Variants in DNAH14 observed in about 807,000 individuals in gnomAD.
DNAH14 encodes the protein dynein axonemal heavy chain 14, also known as axonemal beta dynein heavy chain 14.
Under a neutral mutation model 520.9 loss-of-function variants are expected in DNAH14, and 478 were observed. The observed-to-expected ratio is 0.92, with a 90% confidence interval of 0.85 to 0.99. DNAH14 has a LOEUF of 0.99. Among genes scored for constraint, DNAH14 ranks in the 50% least tolerant of loss-of-function variants. The pLI is 0.00. For synonymous variants in DNAH14, 1,581 were observed against 1,757.2 expected, an observed-to-expected ratio of 0.90 and a Z score of 2.51; for missense variants, 4,831 against 5,234.5, an observed-to-expected ratio of 0.92 and a Z score of 2.38.
rs2079396077 is a variant in DNAH14 at position 225,140,912 on chromosome 1, A to G, written c.4399A>G (p.Thr1467Ala). 5 of 1,551,410 alleles carry G rather than the reference A, an allele frequency of 3.2e-6. No individual in the cohort carries two copies. The South Asian group carries it at 5.9e-5, about 18-fold the overall frequency. Residue 1467 changes from threonine to alanine, a missense_variant, in exon 28 of 86, where the codon ACA becomes GCA. Coordinates refer to ENST00000682510, the MANE Select transcript of DNAH14 (RefSeq NM_001367479.1). Reference sequence around the variant, plus strand: ...AGTGCTGGATACTAGTAACTCTCGAACAAAAGCTATACTAGGGGCATTGCT... The same window carrying G: ...AGTGCTGGATACTAGTAACTCTCGAGCAAAAGCTATACTAGGGGCATTGCT... ...LVVLDTSNSR[T>A]KAILGALLIL...
intron 1 of DNAH14, among the ~76,000 whole-genome samples, chr1:224,946,346 A>G (rs2489300): frequency 0.15 from 22,928 of 152,092 alleles, 3,194 homozygotes; most frequent in African/African-American, 0.36. Context: ...TTGGAAAAGC[A>G]CAGTATTAGG....
intron 10 of DNAH14, among the ~76,000 whole-genome samples, chr1:225,019,821 C>T (rs1183815323): frequency 1.3e-5 from 2 of 152,040 alleles, no homozygotes; most frequent in Non-Finnish European, 2.9e-5. Context: ...TAATAACAGA[C>T]ACAACATACC....
At chr1:225,141,483 G>A (rs1264758221) in intron 28 of DNAH14, among the ~76,000 whole-genome samples, 1 of 147,234 alleles carries the variant, frequency 6.8e-6, no homozygotes, top group Admixed American at 6.7e-5. Context: ...TTGGGCGGGG[G>A]CGGGGGCGGT....
intron 45 of DNAH14, 125 bp from the exon 46 acceptor site, chr1:225,258,996 G>A: frequency 1.0e-6 from 1 of 996,450 alleles, no homozygotes; most frequent in South Asian, 2.0e-5. Context: ...TTTTAAAAGG[G>A]AAGAACAAAA....
intron 10 of DNAH14, among the ~76,000 whole-genome samples, chr1:225,014,928 A>G (rs1210932100): frequency 2.0e-5 from 3 of 152,134 alleles, no homozygotes; most frequent in Non-Finnish European, 2.9e-5. Context: ...ATTAGGGTCT[A>G]TCTCTTCCTT....
At chr1:225,318,840 A>G (rs1160835765) in intron 61 of DNAH14, among the ~76,000 whole-genome samples, 163 bp downstream of exon 61, 3 of 152,094 alleles carry the variant, frequency 2.0e-5, no homozygotes, top group Admixed American at 6.5e-5. Context: ...TTAAGTGTTC[A>G]TTCTGTATGG....
At chr1:225,089,073 AGT>A (rs202186277) in intron 21 of DNAH14, among the ~76,000 whole-genome samples, 6,321 of 152,266 alleles carry the variant, frequency 0.042, 214 homozygotes, top group Non-Finnish European at 0.061. Context: ...TTTTCAGAAA[AGT>A]GTAGAGAAAG....
intron 79 of DNAH14, among the ~76,000 whole-genome samples, chr1:225,378,066 C>G (rs1032389531): frequency 3.3e-5 from 5 of 151,894 alleles, no homozygotes; most frequent in Admixed American, 1.3e-4. Context: ...TAATTGGGGT[C>G]ACAAGACTGA....
intron 36 of DNAH14, among the ~76,000 whole-genome samples, chr1:225,174,130 A>G (rs2083044452): frequency 6.6e-6 from 1 of 152,096 alleles, no homozygotes; most frequent in South Asian, 2.1e-4. Flanking sequence ...GGGAGAGGGG[A>G]GGGATAGCAT....
chr1:225,339,324 T>A (rs925676194), intron 68 of DNAH14, among the ~76,000 whole-genome samples: 6 of 151,834 alleles, frequency 4.0e-5, no homozygotes, highest in African/African-American at 1.2e-4. Flanking sequence ...AAAATAATAA[T>A]AATAATTCTC....
chr1:225,039,115 C>A (rs1197801282), intron 12 of DNAH14, among the ~76,000 whole-genome samples: 1 of 152,040 alleles, frequency 6.6e-6, no homozygotes, highest in Non-Finnish European at 1.5e-5. Context: ...AATTCTCTGA[C>A]CTCTTGGAGC....
intron 44 of DNAH14, among the ~76,000 whole-genome samples, chr1:225,256,462 G>A (rs920932184): frequency 9.9e-5 from 15 of 152,018 alleles, no homozygotes; most frequent in African/African-American, 3.4e-4. Flanking sequence ...AAAATAAAAT[G>A]GCAAAAGCAA....
At chr1:225,256,866 A>G (rs975984373) in intron 44 of DNAH14, among the ~76,000 whole-genome samples, 1 of 152,184 alleles carries the variant, frequency 6.6e-6, no homozygotes, top group Non-Finnish European at 1.5e-5. Flanking sequence ...GGGACTTTAC[A>G]AATCAAAGTA....
intron 21 of DNAH14, among the ~76,000 whole-genome samples, chr1:225,093,677 A>G (rs772079065): frequency 6.6e-6 from 1 of 152,168 alleles, no homozygotes; most frequent in Non-Finnish European, 1.5e-5. Context: ...CAAATAGGAA[A>G]AAAGGAAGTC....
intron 42 of DNAH14, among the ~76,000 whole-genome samples, chr1:225,231,955 A>G (rs2091167491): frequency 6.6e-6 from 1 of 152,126 alleles, no homozygotes; most frequent in Admixed American, 6.6e-5. Context: ...AATCACTCAT[A>G]TATATACCAG....
chr1:225,032,207 C>A (rs143077256), intron 11 of DNAH14, among the ~76,000 whole-genome samples: 1 of 152,002 alleles, frequency 6.6e-6, no homozygotes, highest in African/African-American at 2.4e-5. Flanking sequence ...CAATAATGAT[C>A]TTTTCTGCCC....
At chr1:225,021,184 T>A (rs1283605642) in intron 10 of DNAH14, among the ~76,000 whole-genome samples, 1 of 152,058 alleles carries the variant, frequency 6.6e-6, no homozygotes, top group Non-Finnish European at 1.5e-5. Context: ...AAGCACACAG[T>A]GAACATCATA....
intron 75 of DNAH14, among the ~76,000 whole-genome samples, chr1:225,362,063 T>G (rs2095498176): frequency 6.6e-6 from 1 of 152,210 alleles, no homozygotes; most frequent in Non-Finnish European, 1.5e-5. Context: ...TCAAGTATTG[T>G]GCTAGGCACA....
At position 225,304,988 on chromosome 1, in the gene DNAH14, A is replaced by G. The variant is rs1355004132; in HGVS notation, c.8904A>G (p.Glu2968=). ...ACTTGAACAGAAAATACTTTGAAGAAACTGGAAGATTTTATTATACCACTC... is the reference window on the plus strand; with the variant it reads ...ACTTGAACAGAAAATACTTTGAAGAGACTGGAAGATTTTATTATACCACTC... ...MKDLNRKYFE[E]TGRFYYTTPN... Residue 2968 remains glutamate (E), a synonymous_variant, in exon 58 of 86, where the codon GAA becomes GAG. Transcript: ENST00000682510. 2 of 1,547,112 alleles carry G rather than the reference A, an allele frequency of 1.3e-6. No homozygotes were observed. Among genetic ancestry groups the G allele is most frequent in the African/African-American group, 2.7e-5 (2 of 72,774 alleles).
Sources: gnomAD v4.1 joint callset for allele counts (sites outside exome capture counted in the v4.1 genomes callset) on GRCh38, gnomAD v4.1.1 for gene constraint, MANE v1.5 for transcripts, NCBI Gene and HGNC (gene_info 2026-07-23, HGNC 2026-07-21) for gene names.